The following ZC3H4 variants were observed in gnomAD, a reference collection of about 807,000 sequenced individuals.
ZC3H4 encodes zinc finger CCCH-type containing 4.
In ZC3H4, 13 loss-of-function variants were observed where a neutral mutation model predicts 108.3. The observed-to-expected ratio is 0.12, with a 90% CI of 0.08 to 0.19. The LOEUF is 0.19. ZC3H4 is among the 10% of genes least tolerant of loss of function. The pLI is 1.00. For synonymous variants in ZC3H4, 917 were observed against 749.6 expected (o/e 1.22, Z -3.65); for missense variants, 1,734 against 1,838.8 (o/e 0.94, Z 1.04).
chr19:47,109,374 C>T (rs1415211161), intron 2 of ZC3H4, among the ~76,000 whole-genome samples: 4 of 152,208 alleles, frequency 2.6e-5, no homozygotes, highest in African/African-American at 9.7e-5. Context: ...AAAGAAATCT[C>T]ATTTCCTTAA....
chr19:47,085,532 A>C, intron 6 of ZC3H4, 118 bp from the exon 7 acceptor site: 1 of 855,432 alleles, frequency 1.2e-6, no homozygotes, highest in Non-Finnish European at 1.8e-6. Context: ...TCATACCATA[A>C]CCCGTTTCCA....
At position 47,067,737 on chromosome 19, in the gene ZC3H4, A is replaced by T; in HGVS notation, c.2531T>A (p.Leu844Gln). 1 of 1,607,882 alleles carries T rather than the reference A, an allele frequency of 6.2e-7. No individual in the cohort carries two copies. Among genetic ancestry groups the T allele is most frequent in the Non-Finnish European group, 8.5e-7 (1 of 1,178,474 alleles). Residue 844 changes from leucine to glutamine, a missense_variant, in exon 15 of 15, where the codon CTG becomes CAG. By Grantham distance (113) the Leu-to-Gln change is moderately radical. Transcript: ENST00000253048. This position sits in a 1 kb window ranked among gnomAD's most constrained non-coding sequence, Gnocchi z 6.4. ...ASVGELSSSG[L>Q]GDPRLQKGHP... ...TCCCTTCTGGAGGCGGGGGTCCCCC[A>T]GCCCACTGCTGCTCAGCTCCCCAAC...
In ZC3H4 at chr19:47,072,474, C is replaced by G. The variant is rs757017978; in HGVS notation, c.1680G>C (p.Pro560=). The change falls in exon 12 of 15, where the codon CCG becomes CCC. Residue 560 remains proline, a synonymous_variant. Transcript: ENST00000253048. This position sits in a 1 kb window ranked among gnomAD's most constrained non-coding sequence, Gnocchi z 5.6. The stretch of plus-strand genomic sequence containing the variant: ...GCTGCGGGGACAGTGGCTCATGCAC[C>G]GGCATGGGCATCTGAGGGGGCCCGG... ...PPPGPPQMPM[P]VHEPLSPQQL... 1.4e-6 allele frequency: 2 copies of G among 1,450,498 alleles called. No homozygotes were observed. Among genetic ancestry groups the G allele is most frequent in the East Asian group, 2.9e-5 (1 of 34,702 alleles). 89.9% of individuals were successfully genotyped at this position (1,450,498 alleles called of 1,614,324 possible).
chr19:47,089,182 G>A (rs1056104994), intron 5 of ZC3H4, among the ~76,000 whole-genome samples: 3 of 143,084 alleles, frequency 2.1e-5, no homozygotes, highest in African/African-American at 7.9e-5. Context: ...CTCCAGCCTG[G>A]CGACAGAGCA....
In ZC3H4 at chr19:47,088,959, G is replaced by A. The variant is rs971177125; in HGVS notation, c.715+1008C>T. On this transcript the variant is annotated intron_variant, in intron 5 of 14. Coordinates refer to ENST00000253048, the MANE Select transcript of ZC3H4 (RefSeq NM_015168.2). ...GCGGTGGCTCACGCCTGTAATCCCAGCACTTTGGGAGGCCGAGGTGGGCAG... is the reference window on the plus strand; with the variant it reads ...GCGGTGGCTCACGCCTGTAATCCCAACACTTTGGGAGGCCGAGGTGGGCAG... 1.3e-5 allele frequency among the ~76,000 whole-genome samples: 2 copies of A among 152,028 alleles called. 1 individual carries two copies. Among genetic ancestry groups the A allele is most frequent in the South Asian group, 4.1e-4 (2 of 4,824 alleles).
intron 2 of ZC3H4, among the ~76,000 whole-genome samples, chr19:47,102,730 A>C (rs982780583): frequency 2.0e-5 from 3 of 151,914 alleles, no homozygotes; most frequent in African/African-American, 7.3e-5. Flanking sequence ...ACATCTGGAT[A>C]GAGAATAAGG....
chr19:47,073,696 A>G (rs1328711408), intron 11 of ZC3H4, among the ~76,000 whole-genome samples: 3 of 152,160 alleles, frequency 2.0e-5, no homozygotes, highest in African/African-American at 7.2e-5. Flanking sequence ...CCCTGTACAC[A>G]CTAAGCAATC....
intron 5 of ZC3H4, among the ~76,000 whole-genome samples, chr19:47,088,381 T>C (rs1287108036): frequency 1.3e-5 from 2 of 150,848 alleles, no homozygotes; most frequent in Admixed American, 6.6e-5. Flanking sequence ...AAACCCCATC[T>C]CTACTAAAAA....
Position 47,072,469 on chromosome 19 carries a change from T to G in ZC3H4, c.1685A>C (p.His562Pro), listed in dbSNP as rs1380979230. Reference sequence around the variant, plus strand: ...CAGCTGCTGCGGGGACAGTGGCTCATGCACCGGCATGGGCATCTGAGGGGG... The same window carrying G: ...CAGCTGCTGCGGGGACAGTGGCTCAGGCACCGGCATGGGCATCTGAGGGGG... ...PGPPQMPMPV[H>P]EPLSPQQLQQ... The change falls in exon 12 of 15, where the codon CAT becomes CCT. Residue 562 changes from histidine (H) to proline (P), a missense_variant. By Grantham distance (77) the His-to-Pro change is moderately conservative (BLOSUM62 -2). Transcript: ENST00000253048. The surrounding 1 kb of genome is among the most constrained non-coding windows in gnomAD (Gnocchi z 5.6). 2 of 1,437,456 alleles carry G rather than the reference T, an allele frequency of 1.4e-6. No individual in the cohort carries two copies. Among genetic ancestry groups the G allele is most frequent in the Non-Finnish European group, 1.9e-6 (2 of 1,073,170 alleles). 89.0% of individuals were successfully genotyped at this position (1,437,456 alleles called of 1,614,324 possible). A position where few individuals can be genotyped will look rare whatever the true frequency, so the allele number is the denominator to read the frequency against.
rs780577981 is a variant in ZC3H4, at chr19:47,093,995, C to G, written c.467G>C (p.Arg156Thr). ...SPSEKGHRKY[R>T]EYSPPYAPSH... ...CGGCGCATATGGGGGGCTGTACTCTCTGTACTTGCGGTGACCTTTCTCACT... is the reference window on the plus strand; with the variant it reads ...CGGCGCATATGGGGGGCTGTACTCTGTGTACTTGCGGTGACCTTTCTCACT... Residue 156 changes from arginine (R) to threonine (T), a missense_variant, in exon 4 of 15, where the codon AGA becomes ACA. Physicochemically the swap from Arg to Thr is moderately conservative, Grantham distance 71. Around this residue, in one of 9 missense-constraint regions of ZC3H4, gnomAD observed 403 missense variants for 457.0 expected, o/e 0.88. Transcript: ENST00000253048. The G allele has an allele frequency of 6.2e-7, 1 of 1,614,186 alleles. No homozygotes were observed. The highest frequency in any genetic ancestry group is 8.5e-7 in the Non-Finnish European group (1 of 1,180,022).
chr19:47,077,147 G>A (rs1326295695), intron 11 of ZC3H4, among the ~76,000 whole-genome samples: 2 of 149,842 alleles, frequency 1.3e-5, no homozygotes, highest in South Asian at 2.2e-4. Flanking sequence ...ACGACAGAGC[G>A]AGATTCCGTC....
chr19:47,068,411 C>T lies in ZC3H4; in HGVS notation c.2399-542G>A, dbSNP rs370836720. On this transcript the variant is annotated intron_variant, in intron 14 of 14. Transcript: ENST00000253048. The stretch of plus-strand genomic sequence containing the variant: ...ACCCCAAACCGGCTCGTGATGTCCC[C>T]ATGTCCCAGGGAGGGGCTGGTGTGG... Among the ~76,000 whole-genome samples the T allele has an allele frequency of 3.3e-5, 5 of 152,322 alleles. 1 individual carries two copies. Among genetic ancestry groups the T allele is most frequent in the African/African-American group, 1.2e-4 (5 of 41,570 alleles).
chr19:47,087,276 T>A (rs909816688), intron 5 of ZC3H4, among the ~76,000 whole-genome samples: 6 of 143,178 alleles, frequency 4.2e-5, no homozygotes, highest in Non-Finnish European at 9.2e-5. Context: ...ACCCCGTCTC[T>A]CACACACACA....
chr19:47,098,767 A>AAAAAC (rs972966534), intron 2 of ZC3H4, among the ~76,000 whole-genome samples: 3 of 152,206 alleles, frequency 2.0e-5, no homozygotes, highest in Non-Finnish European at 4.4e-5. Context: ...CTCGGTTTCA[A>AAAAAC]AAAACAAAAC....
At chr19:47,070,442 C>T (rs190125607) in intron 13 of ZC3H4, among the ~76,000 whole-genome samples, 3 of 152,158 alleles carry the variant, frequency 2.0e-5, no homozygotes, top group African/African-American at 7.2e-5. Context: ...AATGACCATA[C>T]ATGTTAGAGG....
intron 11 of ZC3H4, among the ~76,000 whole-genome samples, chr19:47,075,623 C>A (rs556933340): frequency 6.6e-6 from 1 of 152,100 alleles, no homozygotes; most frequent in African/African-American, 2.4e-5. Context: ...CACACACATA[C>A]ACACACACAC....
chr19:47,107,070 G>A (rs1162003793), intron 2 of ZC3H4, among the ~76,000 whole-genome samples: 1 of 152,170 alleles, frequency 6.6e-6, no homozygotes, highest in African/African-American at 2.4e-5. Flanking sequence ...TTAAGCTCCA[G>A]ACAGTATGAC....
chr19:47,076,224 C>T (rs1272898486), intron 11 of ZC3H4, among the ~76,000 whole-genome samples: 3 of 152,212 alleles, frequency 2.0e-5, no homozygotes, highest in South Asian at 2.1e-4. Context: ...TACACAGCAA[C>T]AAATGGTAAT....
In ZC3H4 at chr19:47,069,311, C is replaced by G. The variant is rs1241063092; in HGVS notation, c.2179G>C (p.Glu727Gln). ...DYGHYEELPG[E>Q]PGEHLFPEHP... The stretch of plus-strand genomic sequence containing the variant: ...TCAGGGAAGAGGTGCTCCCCAGGCT[C>G]CCCTGGCAGCTCTTCGTAGTGCCCG... The change falls in exon 14 of 15, where the codon GAG becomes CAG. Residue 727 changes from glutamate to glutamine, a missense_variant. Physicochemically the swap from Glu to Gln is conservative, Grantham distance 29 (BLOSUM62 2). Coordinates refer to ENST00000253048, the MANE Select transcript of ZC3H4 (RefSeq NM_015168.2). 6.2e-6 allele frequency: 10 copies of G among 1,613,434 alleles called. No individual in the cohort carries two copies. The highest frequency in any genetic ancestry group is 8.5e-6 in the Non-Finnish European group (10 of 1,179,782).
Sources: gnomAD v4.1 joint callset for allele counts (sites outside exome capture counted in the v4.1 genomes callset) on GRCh38, gnomAD v4.1.1 for gene constraint, gnomAD v4.1.1 regional missense constraint, Gnocchi (gnomAD v3.1) non-coding constraint, MANE v1.5 for transcripts, NCBI Gene and HGNC (gene_info 2026-07-23, HGNC 2026-07-21) for gene names.